The following CERT1 variants were observed in gnomAD, a reference collection of about 807,000 sequenced individuals.
The protein encoded by CERT1 is ceramide transporter 1.
Under a neutral mutation model 87.9 loss-of-function variants are expected in CERT1, and 31 were observed. That is an observed-to-expected ratio of 0.35 (90% CI 0.27 to 0.48). The LOEUF (loss-of-function observed/expected upper bound fraction) is 0.48. Among genes scored for constraint, CERT1 ranks in the 20% least tolerant of loss-of-function variants. The pLI is 0.99. For synonymous variants in CERT1, 289 were observed against 250.9 expected, an observed-to-expected ratio of 1.15 and a Z score of -1.44; for missense variants, 487 against 758.0, an observed-to-expected ratio of 0.64 and a Z score of 4.20.
intron 3 of CERT1, among the ~76,000 whole-genome samples, chr5:75,448,181 G>A (rs1764633950): frequency 1.3e-5 from 2 of 152,116 alleles, no homozygotes; most frequent in South Asian, 2.1e-4. Context: ...TGGGGCTTCT[G>A]TGAGAATTAA....
chr5:75,501,503 A>G (rs981033697), intron 2 of CERT1, among the ~76,000 whole-genome samples: 1 of 152,220 alleles, frequency 6.6e-6, no homozygotes, highest in African/African-American at 2.4e-5. Flanking sequence ...ATTCTATCTG[A>G]AGATATTATA....
chr5:75,385,278 G>T (rs1761738698), intron 13 of CERT1, among the ~76,000 whole-genome samples: 1 of 152,062 alleles, frequency 6.6e-6, no homozygotes, highest in Admixed American at 6.6e-5. Flanking sequence ...TTCGAGACCA[G>T]CCTGACCAAC....
chr5:75,481,556 C>A (rs187193436), intron 2 of CERT1, among the ~76,000 whole-genome samples: 1 of 152,264 alleles, frequency 6.6e-6, no homozygotes, highest in East Asian at 1.9e-4. Flanking sequence ...GAGGAACAGA[C>A]TCCCAAAGTC....
chr5:75,443,018 G>A (rs1764389139), intron 3 of CERT1, among the ~76,000 whole-genome samples: 1 of 151,938 alleles, frequency 6.6e-6, no homozygotes, highest in African/African-American at 2.4e-5. Flanking sequence ...ATCCACTTGG[G>A]GTCTTGGAAC....
chr5:75,391,664 T>C (rs1026243527), intron 11 of CERT1, among the ~76,000 whole-genome samples: 2 of 152,240 alleles, frequency 1.3e-5, no homozygotes, highest in African/African-American at 2.4e-5. Flanking sequence ...ATACAAAATG[T>C]ATCTGATTTC....
At chr5:75,477,647 TAAAAAAAAAAAAAA>T (rs540588442) in intron 2 of CERT1, among the ~76,000 whole-genome samples, 1 of 89,522 alleles carries the variant, frequency 1.1e-5, no homozygotes, top group African/African-American at 4.3e-5. Flanking sequence ...TAATAAGTTG[TAAAAAAAAAAAAAA>T]AAAAAAAACA....
intron 17 of CERT1, chr5:75,371,463 T>C (rs1406480863): frequency 2.0e-5 from 3 of 152,222 alleles, no homozygotes; most frequent in African/African-American, 7.2e-5. Flanking sequence ...TTGTATTAAG[T>C]GTATAAATTA....
At chr5:75,397,096 T>C (rs937490524) in intron 11 of CERT1, among the ~76,000 whole-genome samples, 10 of 152,342 alleles carry the variant, frequency 6.6e-5, no homozygotes, top group Non-Finnish European at 1.0e-4. Context: ...GAATTAGTCA[T>C]CTATTATAAA....
Position 75,511,620 on chromosome 5 carries a change from C to T in CERT1, c.-413G>A. 6 of 1,477,146 alleles carry T rather than the reference C, an allele frequency of 4.1e-6. No homozygotes were observed. The highest frequency in any genetic ancestry group is 2.7e-5 in the South Asian group (2 of 73,446). The allele number at this position is 1,477,146 out of a possible 1,614,324, so 91.5% of individuals were successfully genotyped here. A position where few individuals can be genotyped will look rare whatever the true frequency, so the allele number is the denominator to read the frequency against. On this transcript the variant is annotated 5_prime_UTR_variant, in exon 1 of 17. Coordinates refer to ENST00000643780, the MANE Select transcript of CERT1 (RefSeq NM_001379029.1). ...CTACCGCCGCCATCTTCCTGCCTGG[C>T]CCACTATTTACCCTCCCCTCCCCTG...
chr5:75,491,634 G>A (rs147387298), intron 2 of CERT1, among the ~76,000 whole-genome samples: 157 of 152,184 alleles, frequency 1.0e-3, no homozygotes, highest in African/African-American at 3.5e-3. Context: ...GTCCCCTTGC[G>A]GCAATGGGGT....
At chr5:75,437,928 T>C (rs1580770892) in intron 3 of CERT1, among the ~76,000 whole-genome samples, 1 of 152,076 alleles carries the variant, frequency 6.6e-6, no homozygotes, top group African/African-American at 2.4e-5. Flanking sequence ...TACACACAAA[T>C]ACACCTTCAT....
intron 3 of CERT1, among the ~76,000 whole-genome samples, chr5:75,444,833 C>T (rs774135409): frequency 3.3e-5 from 5 of 152,144 alleles, no homozygotes; most frequent in Non-Finnish European, 7.4e-5. Context: ...GCATGAGCCA[C>T]TGCACCCAGC....
chr5:75,500,739 G>C (rs74429929), intron 2 of CERT1, among the ~76,000 whole-genome samples: 2,224 of 152,090 alleles, frequency 0.015, 49 homozygotes, highest in African/African-American at 0.049. Flanking sequence ...CTTGAGAAAA[G>C]GCCTTCTTCT....
chr5:75,381,525 A>T lies in CERT1; in HGVS notation c.1618-324T>A, dbSNP rs1359036597. On this transcript the variant is annotated intron_variant, in intron 15 of 16. Coordinates refer to ENST00000643780, the MANE Select transcript of CERT1 (RefSeq NM_001379029.1). Reference sequence around the variant, plus strand: ...TGCACATCACCAGGCCTGGCTAATTAAAAAAAAAAAAAAAATTTTTTTTAA... The same window carrying T: ...TGCACATCACCAGGCCTGGCTAATTTAAAAAAAAAAAAAAATTTTTTTTAA... 7.5e-5 allele frequency among the ~76,000 whole-genome samples: 10 copies of T among 132,530 alleles called. No individual in the cohort carries two copies. The South Asian group carries it at 1.8e-3, about 24-fold the overall frequency. 86.9% of individuals were successfully genotyped at this position (132,530 alleles called of 152,430 possible). A position where few individuals can be genotyped will look rare whatever the true frequency, so the allele number is the denominator to read the frequency against.
At chr5:75,373,452 TC>T (rs1761156216), downstream of CERT1, 1 of 152,118 alleles carries the variant, frequency 6.6e-6, no homozygotes, top group Non-Finnish European at 1.5e-5. Flanking sequence ...GAAAAAAATC[TC>T]TAGTACACAG....
At chr5:75,395,222 G>C (rs111462970) in intron 11 of CERT1, among the ~76,000 whole-genome samples, 2 of 152,166 alleles carry the variant, frequency 1.3e-5, no homozygotes, top group African/African-American at 4.8e-5. Context: ...CTTTAAATGT[G>C]AACTGTGTTA....
chr5:75,432,196 C>T lies in CERT1; in HGVS notation c.349-5718G>A, dbSNP rs187432708. Among the ~76,000 whole-genome samples the T allele has an allele frequency of 1.1e-3, 164 of 152,134 alleles. 1 individual carries two copies. The East Asian group carries it at 0.027, about 25-fold the overall frequency. On this transcript the variant is annotated intron_variant, in intron 3 of 16. Coordinates refer to ENST00000643780, the MANE Select transcript of CERT1 (RefSeq NM_001379029.1). ...CCTCCTGAATAGCTGGGACTACAGG[C>T]GCTAGCCACCACACCCGGCTAATTT... is the stretch of plus-strand genomic sequence containing the variant.
At chr5:75,385,215 G>A (rs1334701989) in intron 13 of CERT1, among the ~76,000 whole-genome samples, 1 of 152,154 alleles carries the variant, frequency 6.6e-6, no homozygotes, top group Non-Finnish European at 1.5e-5. Context: ...GCTCACATCT[G>A]TAATCCCAGC....
chr5:75,502,025 G>A (rs1297902698), intron 2 of CERT1, among the ~76,000 whole-genome samples: 1 of 151,778 alleles, frequency 6.6e-6, no homozygotes, highest in Non-Finnish European at 1.5e-5. Flanking sequence ...TATAAAACAA[G>A]CAAAGAAGAA....
Sources: allele counts gnomAD v4.1 joint callset (sites outside exome capture counted in the v4.1 genomes callset), GRCh38; gene constraint gnomAD v4.1.1; transcripts MANE v1.5; gene names NCBI Gene and HGNC (gene_info 2026-07-23, HGNC 2026-07-21).